PTPRO: variants seen among roughly 807,000 people sequenced by gnomAD.
The protein encoded by PTPRO is receptor-type tyrosine-protein phosphatase O.
In PTPRO, 62 loss-of-function variants were observed where a neutral mutation model predicts 145.2. The observed-to-expected ratio is 0.43, with a 90% confidence interval of 0.35 to 0.53. The LOEUF (loss-of-function observed/expected upper bound fraction) is 0.53, where lower values mean the gene tolerates loss of function less well. Among genes scored for constraint, PTPRO ranks in the 20% least tolerant of loss-of-function variants. The pLI is 0.01. For synonymous variants in PTPRO, 565 were observed against 514.7 expected (o/e 1.10, Z -1.32); for missense variants, 1,345 against 1,482.7 (o/e 0.91, Z 1.53).
intron 1 of PTPRO, among the ~76,000 whole-genome samples, chr12:15,350,046 A>G (rs1028460764): frequency 1.3e-5 from 2 of 152,174 alleles, no homozygotes; most frequent in African/African-American, 4.8e-5. Context: ...TAGAATTGGG[A>G]CATGGACTGA....
intron 8 of PTPRO, 28 bp from the exon 9 acceptor site, chr12:15,516,735 T>A (rs1254582602): frequency 6.4e-7 from 1 of 1,563,976 alleles, no homozygotes; most frequent in African/African-American, 1.4e-5. Context: ...TAACTTTCTT[T>A]TTCTACCCCC....
chr12:15,538,750 A>G (rs1943118418), intron 12 of PTPRO, among the ~76,000 whole-genome samples: 1 of 152,216 alleles, frequency 6.6e-6, no homozygotes, highest in African/African-American at 2.4e-5. Flanking sequence ...CCCCACTTAT[A>G]TGCAACTGAC....
At chr12:15,385,536 C>T (rs1461183825) in intron 1 of PTPRO, among the ~76,000 whole-genome samples, 3 of 151,988 alleles carry the variant, frequency 2.0e-5, no homozygotes, top group African/African-American at 4.8e-5. Flanking sequence ...TAGATGCAGC[C>T]GGGCATGTTG....
chr12:15,343,828 C>T (rs1231097537), intron 1 of PTPRO, among the ~76,000 whole-genome samples: 2 of 152,250 alleles, frequency 1.3e-5, no homozygotes, highest in African/African-American at 4.8e-5. Flanking sequence ...AGACCAGAGG[C>T]GCCTGCCACC....
intron 1 of PTPRO, among the ~76,000 whole-genome samples, chr12:15,420,148 G>GAAAAAAAAAAAA (rs35302259): frequency 2.4e-5 from 2 of 81,712 alleles, no homozygotes; most frequent in Non-Finnish European, 2.3e-5. Flanking sequence ...CTCCGACTCA[G>GAAAAAAAAAAAA]AAAAAAAAAA....
chr12:15,343,964 G>A (rs1867105322), intron 1 of PTPRO, among the ~76,000 whole-genome samples: 2 of 152,322 alleles, frequency 1.3e-5, no homozygotes, highest in South Asian at 4.1e-4. Flanking sequence ...GATTACAGGC[G>A]TGAGCCACCG....
At chr12:15,459,344 G>A (rs921225039) in intron 1 of PTPRO, among the ~76,000 whole-genome samples, 6 of 152,106 alleles carry the variant, frequency 3.9e-5, no homozygotes, top group African/African-American at 1.4e-4. Context: ...AGTCTCATTT[G>A]CACTCTGAGA....
chr12:15,560,361 A>G (rs1263573853), intron 17 of PTPRO, 85 bp downstream of exon 17: 3 of 1,057,374 alleles, frequency 2.8e-6, no homozygotes, highest in Non-Finnish European at 2.9e-6. Flanking sequence ...TTTCTTTTTA[A>G]CTATTTTGTA....
intron 1 of PTPRO, among the ~76,000 whole-genome samples, chr12:15,463,310 G>T (rs879525302): frequency 1.3e-5 from 2 of 152,078 alleles, no homozygotes; most frequent in Admixed American, 1.3e-4. Context: ...AATCTCTGTG[G>T]CACCATCTTA....
intron 1 of PTPRO, among the ~76,000 whole-genome samples, chr12:15,385,500 C>A (rs1031494489): frequency 6.6e-6 from 1 of 151,948 alleles, no homozygotes; most frequent in Non-Finnish European, 1.5e-5. Flanking sequence ...AAAACATGAC[C>A]TGCAGTGATA....
chr12:15,504,011 C>T lies in PTPRO; in HGVS notation c.1209C>T (p.Ser403=), dbSNP rs1010278227. The change falls in exon 6 of 27, where the codon TCC becomes TCT. Residue 403 remains serine (S), a synonymous_variant. Coordinates refer to ENST00000281171, the MANE Select transcript of PTPRO (RefSeq NM_030667.3). The part of the protein sequence containing the change: ...KYKLSVTTFS[S]SGSCETRKSQ... Reference sequence around the variant, plus strand: ...AGTTATCTGTGACAACCTTTAGTTCCTCAGGATCTTGTGAAACTCGAAAAA... The same window carrying T: ...AGTTATCTGTGACAACCTTTAGTTCTTCAGGATCTTGTGAAACTCGAAAAA... 7 of 1,612,580 alleles carry T rather than the reference C, an allele frequency of 4.3e-6. No homozygotes were observed. In the Admixed American group the frequency reaches 1.2e-4, roughly 27 times the overall value.
chr12:15,381,870 G>C (rs1198904916), intron 1 of PTPRO, among the ~76,000 whole-genome samples: 1 of 151,880 alleles, frequency 6.6e-6, no homozygotes, highest in Non-Finnish European at 1.5e-5. Context: ...ATGAAAGTTT[G>C]GTGACTTTCT....
chr12:15,551,680 A>G lies in PTPRO; in HGVS notation c.2558+9A>G, dbSNP rs761054647. 4 of 1,612,240 alleles carry G rather than the reference A, an allele frequency of 2.5e-6. No individual in the cohort carries two copies. The Admixed American group carries it at 5.0e-5, about 20-fold the overall frequency. On this transcript the variant is annotated intron_variant, in intron 15 of 26. Coordinates refer to ENST00000281171, the MANE Select transcript of PTPRO (RefSeq NM_030667.3). ...CATCTGCAGATGGCTAGGTAAGTTA[A>G]GTTTTACTAATATTTTATCCGGAAT... is the stretch of plus-strand genomic sequence containing the variant.
chr12:15,382,294 C>G (rs937340549), intron 1 of PTPRO, among the ~76,000 whole-genome samples: 12 of 152,008 alleles, frequency 7.9e-5, no homozygotes, highest in African/African-American at 2.9e-4. Context: ...TCAGGGCAAT[C>G]CATTTGGGGA....
In PTPRO at chr12:15,551,586, G is replaced by C. The variant is rs757868073; in HGVS notation, c.2473G>C (p.Val825Leu). Residue 825 changes from valine to leucine, a missense_variant, in exon 15 of 27, where the codon GTG becomes CTG. Coordinates refer to ENST00000281171, the MANE Select transcript of PTPRO (RefSeq NM_030667.3). ...GAATCCCAATGTGGTAGTGATCTCC[G>C]TGCTGGCCATCCTTAGCACACTTTT... ...EMNPNVVVISVLAILSTLLIG... is the reference protein window; with the variant it reads ...EMNPNVVVISLLAILSTLLIG... The C allele has an allele frequency of 2.5e-6, 4 of 1,613,604 alleles. No individual in the cohort carries two copies. Among genetic ancestry groups the C allele is most frequent in the Non-Finnish European group, 3.4e-6 (4 of 1,179,726 alleles).
intron 1 of PTPRO, among the ~76,000 whole-genome samples, chr12:15,380,497 CTT>C (rs1321830861): frequency 6.6e-6 from 1 of 152,078 alleles, no homozygotes; most frequent in Non-Finnish European, 1.5e-5. Context: ...AGAATAACAA[CTT>C]ATGTAATTTT....
chr12:15,449,498 G>A (rs949487766), intron 1 of PTPRO, among the ~76,000 whole-genome samples: 1 of 152,190 alleles, frequency 6.6e-6, no homozygotes, highest in Non-Finnish European at 1.5e-5. Context: ...GGTTATATAG[G>A]ATGAACAGAC....
At chr12:15,521,542 A>G (rs191791217) in intron 10 of PTPRO, among the ~76,000 whole-genome samples, 4 of 152,304 alleles carry the variant, frequency 2.6e-5, no homozygotes, top group African/African-American at 4.8e-5. Context: ...TCTCACCAGG[A>G]CAGTTGTCTG....
intron 19 of PTPRO, among the ~76,000 whole-genome samples, chr12:15,575,255 C>G (rs376861957): frequency 8.5e-5 from 13 of 152,172 alleles, no homozygotes; most frequent in East Asian, 7.7e-4. Context: ...CCTGCTAGAG[C>G]ACTTCCCACT....
Sources: gnomAD v4.1 joint callset for allele counts (sites outside exome capture counted in the v4.1 genomes callset) on GRCh38, gnomAD v4.1.1 for gene constraint, MANE v1.5 for transcripts, NCBI Gene and HGNC (gene_info 2026-07-23, HGNC 2026-07-21) for gene names.